The following CTNND2 variants were observed in gnomAD, a reference collection of about 807,000 sequenced individuals.
CTNND2 encodes catenin delta-2.
Under a neutral mutation model 144.4 loss-of-function variants are expected in CTNND2, and 22 were observed. The ratio of observed to expected loss-of-function variants is 0.15; its 90% CI spans 0.11 to 0.22. CTNND2 has a LOEUF of 0.22. Ranked by LOEUF, CTNND2 falls within the 10% of genes least tolerant of loss-of-function variation. The pLI is 1.00. For synonymous variants in CTNND2, 751 were observed against 695.6 expected (o/e 1.08, Z -1.25); for missense variants, 1,353 against 1,618.8 (o/e 0.84, Z 2.82).
chr5:11,341,996 C>A (rs1754320511), intron 9 of CTNND2, among the ~76,000 whole-genome samples: 2 of 152,114 alleles, frequency 1.3e-5, no homozygotes, highest in African/African-American at 4.8e-5. Flanking sequence ...GGTGACAGGG[C>A]AAAACCTTGT....
At chr5:11,683,407 T>A (rs1036873546) in intron 2 of CTNND2, among the ~76,000 whole-genome samples, 1 of 152,202 alleles carries the variant, frequency 6.6e-6, no homozygotes, top group African/African-American at 2.4e-5. Flanking sequence ...AAGTCACATT[T>A]TTACACCTCA....
chr5:11,669,233 G>C (rs1242215675), intron 2 of CTNND2, among the ~76,000 whole-genome samples: 2 of 151,858 alleles, frequency 1.3e-5, no homozygotes, highest in African/African-American at 2.4e-5. Flanking sequence ...TTCTTTTTTG[G>C]TGTGTCTCTG....
intron 2 of CTNND2, among the ~76,000 whole-genome samples, chr5:11,620,353 C>G (rs1780772189): frequency 6.6e-6 from 1 of 152,070 alleles, no homozygotes; most frequent in Non-Finnish European, 1.5e-5. Context: ...CTGTCACATT[C>G]AGGACCAATA....
At chr5:11,722,682 C>T (rs1336809576) in intron 2 of CTNND2, among the ~76,000 whole-genome samples, 1 of 152,074 alleles carries the variant, frequency 6.6e-6, no homozygotes, top group Non-Finnish European at 1.5e-5. Flanking sequence ...GGCGGAAAGC[C>T]CCTTATAAAA....
intron 12 of CTNND2, among the ~76,000 whole-genome samples, chr5:11,128,465 C>T (rs1754903920): frequency 6.6e-6 from 1 of 151,802 alleles, no homozygotes; most frequent in Non-Finnish European, 1.5e-5. Flanking sequence ...CCCAGAGAAG[C>T]TGTGGGCTAA....
chr5:11,899,847 AG>A (rs1312478121), intron 1 of CTNND2, among the ~76,000 whole-genome samples: 1 of 152,338 alleles, frequency 6.6e-6, no homozygotes, highest in South Asian at 2.1e-4. Flanking sequence ...AAGAAGAGAC[AG>A]GGCTGGAATC....
At chr5:11,749,740 T>G (rs188423111) in intron 1 of CTNND2, among the ~76,000 whole-genome samples, 60 of 152,150 alleles carry the variant, frequency 3.9e-4, no homozygotes, top group African/African-American at 1.4e-3. Context: ...TGGACACGGA[T>G]ATCTTCTCCA....
intron 1 of CTNND2, among the ~76,000 whole-genome samples, chr5:11,845,418 C>A (rs1454900489): frequency 6.6e-6 from 1 of 152,128 alleles, no homozygotes; most frequent in African/African-American, 2.4e-5. Context: ...GAAACAGAGG[C>A]ATCGCAGATG....
chr5:11,350,404 T>C (rs1358191030), intron 8 of CTNND2, among the ~76,000 whole-genome samples: 1 of 151,880 alleles, frequency 6.6e-6, no homozygotes, highest in Non-Finnish European at 1.5e-5. Flanking sequence ...TAAACTGTTT[T>C]ACATTTTAGT....
intron 1 of CTNND2, among the ~76,000 whole-genome samples, chr5:11,894,886 C>T (rs1737273008): frequency 6.6e-6 from 1 of 152,064 alleles, no homozygotes; most frequent in African/African-American, 2.4e-5. Context: ...CCATTTTTGC[C>T]CCAAATGATG....
chr5:11,606,604 T>C (rs916426515), intron 2 of CTNND2, among the ~76,000 whole-genome samples: 1 of 152,138 alleles, frequency 6.6e-6, no homozygotes, highest in African/African-American at 2.4e-5. Context: ...TTCATCCAGC[T>C]GGAGGTGACA....
chr5:11,505,838 G>A (rs1279090208), intron 3 of CTNND2, among the ~76,000 whole-genome samples: 1 of 152,128 alleles, frequency 6.6e-6, no homozygotes, highest in Non-Finnish European at 1.5e-5. Context: ...CTCTGTGACT[G>A]ACTTATTTTC....
chr5:11,901,073 T>C (rs934462596), intron 1 of CTNND2, among the ~76,000 whole-genome samples: 1 of 152,238 alleles, frequency 6.6e-6, no homozygotes, highest in Non-Finnish European at 1.5e-5. Flanking sequence ...TTTAATTCAA[T>C]TGGCTTGTTA....
intron 1 of CTNND2, among the ~76,000 whole-genome samples, chr5:11,846,846 T>C (rs1794760960): frequency 6.6e-6 from 1 of 151,560 alleles, no homozygotes; most frequent in South Asian, 2.1e-4. Context: ...CCAAAAAAAA[T>C]CAACATCACT....
chr5:11,089,348 T>A (rs1292048487), intron 15 of CTNND2, among the ~76,000 whole-genome samples: 1 of 152,204 alleles, frequency 6.6e-6, no homozygotes, highest in African/African-American at 2.4e-5. Context: ...GTGTGCTTCC[T>A]CACCTCCTCC....
chr5:11,769,301 C>G (rs1052035179), intron 1 of CTNND2, among the ~76,000 whole-genome samples: 3 of 152,084 alleles, frequency 2.0e-5, no homozygotes, highest in Admixed American at 2.0e-4. Context: ...TGATGCGCAC[C>G]AGGTCCCCAA....
chr5:11,450,093 AT>A (rs1240955442), intron 3 of CTNND2, among the ~76,000 whole-genome samples: 1 of 152,232 alleles, frequency 6.6e-6, no homozygotes, highest in African/African-American at 2.4e-5. Context: ...AACTGTTCAC[AT>A]TCCTCACCTT....
At chr5:11,346,128 C>T (rs767162497) in intron 9 of CTNND2, among the ~76,000 whole-genome samples, 14 of 152,082 alleles carry the variant, frequency 9.2e-5, no homozygotes, top group Admixed American at 2.6e-4. Context: ...CATCAAGTAG[C>T]TAAACATCAA....
At chr5:11,367,983 T>C (rs1757134925) in intron 7 of CTNND2, among the ~76,000 whole-genome samples, 1 of 152,208 alleles carries the variant, frequency 6.6e-6, no homozygotes, top group Admixed American at 6.5e-5. Context: ...GGTTTTGCTC[T>C]TCCTATTTCT....
Sources: allele counts gnomAD v4.1 joint callset (sites outside exome capture counted in the v4.1 genomes callset), GRCh38; gene constraint gnomAD v4.1.1; transcripts MANE v1.5; gene names NCBI Gene and HGNC (gene_info 2026-07-23, HGNC 2026-07-21).